The following FRMPD3 variants were observed in gnomAD, a reference collection of about 807,000 sequenced individuals.
The protein encoded by FRMPD3 is FERM and PDZ domain-containing protein 3.
A neutral mutation model predicts 97.9 loss-of-function variants in FRMPD3; 42 were observed. The ratio of observed to expected loss-of-function variants is 0.43; its 90% CI spans 0.34 to 0.55. FRMPD3 has a LOEUF of 0.55. Among genes scored for constraint, FRMPD3 ranks in the 20% least tolerant of loss-of-function variants. The pLI is 0.03. For synonymous variants in FRMPD3, 577 were observed against 581.1 expected (o/e 0.99, Z 0.10); for missense variants, 1,303 against 1,457.7 (o/e 0.89, Z 1.73).
At chrX:107,565,288 G>C (rs758480680) in intron 12 of FRMPD3, among the ~76,000 whole-genome samples, 1 of 112,066 alleles carries the variant, frequency 8.9e-6, no homozygotes, top group Non-Finnish European at 1.9e-5. Context: ...GAATGCTATG[G>C]AGAGTCAGAT....
At position 107,506,726 on chromosome X, in the gene FRMPD3, C is replaced by T. The variant is rs182756901; in HGVS notation, c.-7-19856C>T. 6.6e-3 allele frequency among the ~76,000 whole-genome samples: 738 copies of T among 112,050 alleles called. 5 individuals carry two copies. Among genetic ancestry groups the T allele is most frequent in the African/African-American group, 0.023 (707 of 30,865 alleles). On this transcript the variant is annotated intron_variant, in intron 1 of 14. Coordinates refer to ENST00000683843, the MANE Select transcript of FRMPD3 (RefSeq NM_001388459.1). ...ACTGTCCCGGGCGGCGGCCGGATTG[C>T]GGGTGGGTGAGAGGCAGCAGACGCC...
chrX:107,511,911 T>C (rs1922176342), intron 1 of FRMPD3, among the ~76,000 whole-genome samples: 1 of 111,805 alleles, frequency 8.9e-6, no homozygotes, highest in East Asian at 2.8e-4. Context: ...GAGAGATGTG[T>C]TCACTGAGGG....
intron 4 of FRMPD3, among the ~76,000 whole-genome samples, chrX:107,534,895 A>G (rs1057040261): frequency 8.9e-6 from 1 of 112,474 alleles, no homozygotes; most frequent in Non-Finnish European, 1.9e-5. Flanking sequence ...CCAGGCAGAT[A>G]GGCCTTTCTC....
chrX:107,501,744 G>A (rs758125922), intron 1 of FRMPD3, among the ~76,000 whole-genome samples: 1 of 106,773 alleles, frequency 9.4e-6, no homozygotes, highest in South Asian at 4.3e-4. Context: ...CAAAGGGGCA[G>A]TGCAGAAGAT....
intron 12 of FRMPD3, among the ~76,000 whole-genome samples, chrX:107,570,903 G>GTA (rs1922858759): frequency 8.9e-6 from 1 of 112,034 alleles, no homozygotes; most frequent in Non-Finnish European, 1.9e-5. Flanking sequence ...AATCCCTGCT[G>GTA]TACCTTCTTC....
intron 1 of FRMPD3, among the ~76,000 whole-genome samples, chrX:107,516,739 T>C (rs1333347292): frequency 9.0e-6 from 1 of 110,594 alleles, no homozygotes; most frequent in Non-Finnish European, 1.9e-5. Flanking sequence ...TTTTTTCTTG[T>C]AAATTTGTTT....
At chrX:107,512,821 G>A (rs768209963) in intron 1 of FRMPD3, among the ~76,000 whole-genome samples, 2 of 112,203 alleles carry the variant, frequency 1.8e-5, no homozygotes, top group East Asian at 2.8e-4. Flanking sequence ...AGGCTAAAAC[G>A]CAAGGATCTC....
intron 12 of FRMPD3, among the ~76,000 whole-genome samples, chrX:107,575,512 G>A (rs1287153802): frequency 9.2e-6 from 1 of 109,224 alleles, no homozygotes; most frequent in Non-Finnish European, 1.9e-5. Flanking sequence ...GTGCAATGGC[G>A]CCATCTTGGC....
At chrX:107,456,937 G>A (rs1931385913) in intron 1 of FRMPD3, among the ~76,000 whole-genome samples, 1 of 112,047 alleles carries the variant, frequency 8.9e-6, no homozygotes, top group Admixed American at 9.5e-5. Flanking sequence ...CATTCTGGAG[G>A]CAGGAAGACC....
intron 1 of FRMPD3, among the ~76,000 whole-genome samples, chrX:107,486,722 G>A (rs747441293): frequency 6.3e-5 from 7 of 111,823 alleles, no homozygotes; most frequent in Non-Finnish European, 1.1e-4. Context: ...GTACCACAGT[G>A]TTTTTATTAG....
intron 1 of FRMPD3, among the ~76,000 whole-genome samples, chrX:107,474,881 T>C (rs1293415989): frequency 8.9e-6 from 1 of 112,347 alleles, no homozygotes; most frequent in African/African-American, 3.2e-5. Flanking sequence ...TAAATTGCCC[T>C]GGCAGGGCTG....
At chrX:107,565,714 A>G (rs987771525) in intron 12 of FRMPD3, among the ~76,000 whole-genome samples, 6 of 110,692 alleles carry the variant, frequency 5.4e-5, no homozygotes, top group Non-Finnish European at 1.9e-5. Context: ...AAATAAAATA[A>G]ATAAAAAGTA....
intron 12 of FRMPD3, among the ~76,000 whole-genome samples, chrX:107,569,152 A>G (rs1180790007): frequency 9.1e-6 from 1 of 109,600 alleles, no homozygotes; most frequent in Non-Finnish European, 1.9e-5. Context: ...AAAATTAGCC[A>G]CGCATCGTGG....
intron 1 of FRMPD3, among the ~76,000 whole-genome samples, chrX:107,475,130 G>T: frequency 9.0e-6 from 1 of 111,607 alleles, no homozygotes; most frequent in Non-Finnish European, 1.9e-5. Context: ...TTCCTCTCCT[G>T]GAACACAGAT....
intron 1 of FRMPD3, among the ~76,000 whole-genome samples, chrX:107,458,265 CT>C (rs1460142397): frequency 1.8e-5 from 2 of 112,124 alleles, no homozygotes; most frequent in Admixed American, 1.9e-4. Context: ...AGGCCCTGCT[CT>C]CTGGAAATCC....
chrX:107,575,305 G>A (rs1397300059), intron 12 of FRMPD3, among the ~76,000 whole-genome samples: 1 of 111,938 alleles, frequency 8.9e-6, no homozygotes, highest in Non-Finnish European at 1.9e-5. Context: ...ATATTAAAGG[G>A]TCTTATGAAT....
chrX:107,551,653 A>C (rs1276828773), intron 6 of FRMPD3, among the ~76,000 whole-genome samples: 1 of 112,292 alleles, frequency 8.9e-6, no homozygotes, highest in African/African-American at 3.2e-5. Context: ...CAGGCTGCCA[A>C]GCCACTTGTC....
At chrX:107,510,498 G>A (rs1162193782) in intron 1 of FRMPD3, among the ~76,000 whole-genome samples, 1 of 111,952 alleles carries the variant, frequency 8.9e-6, no homozygotes, top group Non-Finnish European at 1.9e-5. Context: ...TCAGGAAACA[G>A]ACAGGGTTTT....
At chrX:107,591,678 T>C (rs1923910658) in intron 13 of FRMPD3, among the ~76,000 whole-genome samples, 1 of 112,243 alleles carries the variant, frequency 8.9e-6, no homozygotes, top group Non-Finnish European at 1.9e-5. Flanking sequence ...ATTTTCTCTA[T>C]CTTTTTTCTA....
Sources: gnomAD v4.1 joint callset for allele counts (sites outside exome capture counted in the v4.1 genomes callset) on GRCh38, gnomAD v4.1.1 for gene constraint, MANE v1.5 for transcripts, NCBI Gene and HGNC (gene_info 2026-07-23, HGNC 2026-07-21) for gene names.